The following CFAP46 variants were observed in gnomAD, a reference collection of about 807,000 sequenced individuals.
CFAP46 encodes the protein cilia and flagella associated protein 46.
A neutral mutation model predicts 325.7 loss-of-function variants in CFAP46; 245 were observed. The ratio of observed to expected loss-of-function variants is 0.75; its 90% CI spans 0.68 to 0.84. The LOEUF is 0.84. CFAP46 is among the 40% of genes least tolerant of loss of function. The pLI is 0.00. For missense variants in CFAP46, 3,346 were observed against 3,543.0 expected, an observed-to-expected ratio of 0.94 and a Z score of 1.41; for synonymous variants, 1,523 against 1,495.9, an observed-to-expected ratio of 1.02 and a Z score of -0.42.
At chr10:132,903,005 A>T (rs1849411464) in intron 22 of CFAP46, among the ~76,000 whole-genome samples, 1 of 147,274 alleles carries the variant, frequency 6.8e-6, no homozygotes. Flanking sequence ...TCAGTGAGTT[A>T]CGCCCCAGTG....
At chr10:132,923,740 G>A (rs1849764870) in intron 11 of CFAP46, among the ~76,000 whole-genome samples, 2 of 152,204 alleles carry the variant, frequency 1.3e-5, no homozygotes, top group South Asian at 2.1e-4. Flanking sequence ...GCCCAGCAGG[G>A]GTGTGAGGGG....
chr10:132,821,897 TTG>T (rs1340649936), intron 50 of CFAP46, among the ~76,000 whole-genome samples: 2 of 122,304 alleles, frequency 1.6e-5, no homozygotes, highest in African/African-American at 6.6e-5. Context: ...GTGATGTGTG[TTG>T]TGTGAGTGCT....
intron 50 of CFAP46, among the ~76,000 whole-genome samples, chr10:132,825,349 G>T (rs1176728347): frequency 6.6e-6 from 1 of 152,122 alleles, no homozygotes; most frequent in East Asian, 1.9e-4. Flanking sequence ...TGTCCACCGC[G>T]CTGTGGGCTC....
At chr10:132,867,032 C>T (rs747299124) in intron 34 of CFAP46, among the ~76,000 whole-genome samples, 39 of 152,186 alleles carry the variant, frequency 2.6e-4, no homozygotes, top group Non-Finnish European at 4.6e-4. Context: ...TCATCTTTCC[C>T]GGGGAATTCC....
intron 25 of CFAP46, among the ~76,000 whole-genome samples, chr10:132,890,985 A>G (rs1564791950): frequency 6.6e-6 from 1 of 152,116 alleles, no homozygotes; most frequent in Non-Finnish European, 1.5e-5. Context: ...TTTAGCAGAC[A>G]ATTTTTTTTC....
chr10:132,906,863 T>C (rs1283567355), intron 22 of CFAP46, among the ~76,000 whole-genome samples: 1 of 150,948 alleles, frequency 6.6e-6, no homozygotes, highest in African/African-American at 2.4e-5. Context: ...TCCTGGGCAC[T>C]GAGAAGAGTG....
intron 25 of CFAP46, among the ~76,000 whole-genome samples, chr10:132,890,311 C>T (rs560863706): frequency 4.9e-4 from 74 of 152,312 alleles, no homozygotes; most frequent in African/African-American, 1.6e-3. Flanking sequence ...TCTCTGTCCT[C>T]GTGAAACACC....
intron 35 of CFAP46, among the ~76,000 whole-genome samples, chr10:132,864,670 GTGCCCGAGACCTGCACACACCTGTCCCCC>G (rs1848785705): frequency 5.4e-5 from 3 of 55,714 alleles, no homozygotes; most frequent in African/African-American, 2.8e-4. Flanking sequence ...CCTGTCCCCA[GTGCCCGAGACCTGCACACACCTGTCCCCC>G]TGCCTGAGAC....
rs376118577 is a variant in CFAP46, at chr10:132,808,484, C to A, written c.8085G>T (p.Ala2695=). 4 of 1,613,174 alleles carry A rather than the reference C, an allele frequency of 2.5e-6. No individual in the cohort carries two copies. In the African/African-American group the frequency reaches 4.0e-5, roughly 16 times the overall value. ...GGTCTAAGCAACTCAGCACCAGCGCCGCCAAGGGGAGGCCGCCCTTGTCCT... is the reference window on the plus strand; with the variant it reads ...GGTCTAAGCAACTCAGCACCAGCGCAGCCAAGGGGAGGCCGCCCTTGTCCT... ...RGQDKGGLPL[A]ALVLSCLDQK... The change falls in exon 58 of 58, where the codon GCG becomes GCT. Residue 2695 remains alanine, a synonymous_variant. Transcript: ENST00000368586. The surrounding 1 kb of genome is among the most constrained non-coding windows in gnomAD (Gnocchi z 6.8).
Position 132,919,741 on chromosome 10 carries a change from G to A in CFAP46, c.1731-299C>T, listed in dbSNP as rs1849692826. 6.6e-6 allele frequency among the ~76,000 whole-genome samples: 1 copy of A among 152,160 alleles called. No individual in the cohort carries two copies. Among genetic ancestry groups the A allele is most frequent in the East Asian group, 1.9e-4 (1 of 5,146 alleles). Reference sequence around the variant, plus strand: ...GCACGGGACAGGCCTCCCGGGGATGGTACCGACCGCAGGGTCGGTACCAAA... The same window carrying A: ...GCACGGGACAGGCCTCCCGGGGATGATACCGACCGCAGGGTCGGTACCAAA... On this transcript the variant is annotated intron_variant, in intron 14 of 57. Transcript: ENST00000368586. The surrounding 1 kb of genome is among the most constrained non-coding windows in gnomAD (Gnocchi z 9.7).
rs1401610333 is a variant in CFAP46 at position 132,941,035 on chromosome 10, T to C, written c.332A>G (p.Glu111Gly). 2.5e-6 allele frequency: 4 copies of C among 1,614,178 alleles called. No homozygotes were observed. Among genetic ancestry groups the C allele is most frequent in the Non-Finnish European group, 3.4e-6 (4 of 1,180,030 alleles). ...NLEEFENCVT[E>G]YMKAINFAKG... ...GGCAAAGTTTATGGCCTTCATGTAC[T>C]CAGTCACGCAATTTTCAAATTCCTC... The change falls in exon 4 of 58, where the codon GAG becomes GGG. Residue 111 changes from glutamate (E) to glycine (G), a missense_variant. Physicochemically the swap from Glu to Gly is moderately conservative, Grantham distance 98 (BLOSUM62 -2). Coordinates refer to ENST00000368586, the MANE Select transcript of CFAP46 (RefSeq NM_001200049.3).
intron 24 of CFAP46, among the ~76,000 whole-genome samples, chr10:132,898,156 A>G (rs370544538): frequency 1.5e-3 from 221 of 152,308 alleles, no homozygotes; most frequent in African/African-American, 4.7e-3. Flanking sequence ...CCTGGTCTGG[A>G]GACTGACCCC....
Position 132,922,106 on chromosome 10 carries a change from T to C in CFAP46, c.1604A>G (p.Lys535Arg), listed in dbSNP as rs1324069316. The change falls in exon 13 of 58, where the codon AAA (lysine) becomes AGA (arginine). Residue 535 changes from lysine (K) to arginine (R), a missense_variant and splice_region_variant. Coordinates refer to ENST00000368586, the MANE Select transcript of CFAP46 (RefSeq NM_001200049.3). ...QIVLDSENEA[K>R]VSTGKNRGRF... ...GGAGAGCCCAGTGCAGAGCTCACCT[T>C]TGGCCTCATTCTCACTGTCCAGCAC... 6.5e-7 allele frequency: 1 copy of C among 1,550,124 alleles called. No homozygotes were observed. Among genetic ancestry groups the C allele is most frequent in the Non-Finnish European group, 8.7e-7 (1 of 1,146,862 alleles).
At chr10:132,929,613 C>T in intron 9 of CFAP46, 92 bp downstream of exon 9, 2 of 1,230,314 alleles carry the variant, frequency 1.6e-6, no homozygotes, top group Non-Finnish European at 2.4e-6. Context: ...GGGCCGTGGC[C>T]TGGTGAACTG....
chr10:132,910,741 G>T (rs772805987), intron 19 of CFAP46, among the ~76,000 whole-genome samples: 1 of 152,186 alleles, frequency 6.6e-6, no homozygotes, highest in Non-Finnish European at 1.5e-5. Context: ...CTTGCAAAAC[G>T]TCTTGGTAGC....
intron 1 of CFAP46, 114 bp from the exon 2 acceptor site, chr10:132,942,218 C>A: frequency 1.4e-6 from 2 of 1,384,456 alleles, no homozygotes; most frequent in Non-Finnish European, 1.9e-6. Context: ...GCCACAGCCA[C>A]CGTCAGAACC....
At position 132,916,327 on chromosome 10, in the gene CFAP46, G is replaced by C. The variant is rs182167360; in HGVS notation, c.2120+222C>G. Among the ~76,000 whole-genome samples, 24 of 152,328 alleles carry C rather than the reference G, an allele frequency of 1.6e-4. No individual in the cohort carries two copies. The East Asian group carries it at 4.6e-3, about 29-fold the overall frequency. On this transcript the variant is annotated intron_variant, in intron 17 of 57. Coordinates refer to ENST00000368586, the MANE Select transcript of CFAP46 (RefSeq NM_001200049.3). ...TCGTAGTAACAGCAAACTACGCCTG[G>C]GGTCTTGCGAGGAACGACGGCTAAA...
intron 16 of CFAP46, among the ~76,000 whole-genome samples, chr10:132,917,266 C>T (rs954525543): frequency 2.6e-5 from 4 of 152,236 alleles, no homozygotes; most frequent in Non-Finnish European, 4.4e-5. Context: ...CTGATGGCCA[C>T]GCACCCACTG....
In CFAP46 at chr10:132,857,701, C is replaced by T; in HGVS notation, c.5463G>A (p.Glu1821=). ...AYGLAQGAVA[E]EEGRLHSIQG... ...GGATGCTGTGAAGCCTCCCTTCTTC[C>T]TCAGCTACGGCACCCTGGGCCAGGC... The change falls in exon 39 of 58, where the codon GAG becomes GAA. Residue 1821 remains glutamate, a synonymous_variant. Transcript: ENST00000368586. 1 of 1,613,358 alleles carries T rather than the reference C, an allele frequency of 6.2e-7. No homozygotes were observed. The highest frequency in any genetic ancestry group is 8.5e-7 in the Non-Finnish European group (1 of 1,179,772).
Sources: gnomAD v4.1 joint callset for allele counts (sites outside exome capture counted in the v4.1 genomes callset) on GRCh38, gnomAD v4.1.1 for gene constraint, Gnocchi (gnomAD v3.1) non-coding constraint, MANE v1.5 for transcripts, NCBI Gene and HGNC (gene_info 2026-07-23, HGNC 2026-07-21) for gene names.